Variants in CLEC4A observed in about 807,000 individuals in gnomAD.
CLEC4A encodes the protein C-type (calcium dependent, carbohydrate-recognition domain) lectin, superfamily member 6.
A neutral mutation model predicts 32.7 loss-of-function variants in CLEC4A; 27 were observed. The ratio of observed to expected loss-of-function variants is 0.83; its 90% confidence interval spans 0.61 to 1.14. CLEC4A has a LOEUF of 1.14. Ranked by LOEUF, CLEC4A falls within the 50% of genes most tolerant of loss-of-function variation. The pLI is 0.00. For missense variants in CLEC4A, 253 were observed against 274.6 expected (o/e 0.92, Z 0.55); for synonymous variants, 89 against 93.7 (o/e 0.95, Z 0.29).
At chr12:8,105,049 T>C in the CLEC4A span, among the ~76,000 whole-genome samples, 1 of 152,218 alleles carries the variant, frequency 6.6e-6, no homozygotes, top group African/African-American at 2.4e-5. Context: ...GTATGCGGCA[T>C]ACATGTGTCT....
At chr12:8,136,480 G>A (rs952674434) in intron 4 of CLEC4A, among the ~76,000 whole-genome samples, 1 of 150,084 alleles carries the variant, frequency 6.7e-6, no homozygotes, top group African/African-American at 2.5e-5. Flanking sequence ...CATGAGAATC[G>A]CTTAAGCCTG....
rs760557093 is a variant in CLEC4A, at chr12:8,129,340, G to GA, written c.284dup (p.Asn95LysfsTer20). On this transcript the variant is annotated frameshift_variant, in exon 3 of 6. Transcript: ENST00000229332. LOFTEE classifies it high-confidence loss of function. ...TGGTTCATACAACATTGGAGTGTGTGAAAAAAAATATGCCCGTGGAAGGTA... is the reference window on the plus strand; with the variant it reads ...TGGTTCATACAACATTGGAGTGTGTGAAAAAAAAATATGCCCGTGGAAGGTA... 62 of 1,603,432 alleles carry GA rather than the reference G, an allele frequency of 3.9e-5. No individual in the cohort carries two copies. The highest frequency in any genetic ancestry group is 9.0e-5 in the East Asian group (4 of 44,590).
At chr12:8,134,371 C>T in intron 3 of CLEC4A, 1 of 1,613,036 alleles carries the variant, frequency 6.2e-7, no homozygotes, top group Non-Finnish European at 8.5e-7. Context: ...TGTGTATATC[C>T]CAGGGTGATC....
In CLEC4A at chr12:8,136,831, TG is replaced by T; in HGVS notation, c.498del (p.Leu167SerfsTer40). 6.2e-7 allele frequency: 1 copy of T among 1,613,548 alleles called. No individual in the cohort carries two copies. Among genetic ancestry groups the T allele is most frequent in the Middle Eastern group, 1.7e-4 (1 of 6,060 alleles). On this transcript the variant is annotated frameshift_variant, in exon 5 of 6. Coordinates refer to ENST00000229332, the MANE Select transcript of CLEC4A (RefSeq NM_016184.4). LOFTEE classifies it high-confidence loss of function. Reference protein sequence around the residue: ...QNLQEESAYFVGLSDPEGQRH... With the variant: ...QNLQEESAYFXGLSDPEGQRH... ...CTGCAAGAAGAATCTGCTTATTTTG[TG>T]GGGCTCTCAGATCCAGAAGGTCAGC...
chr12:8,117,963 AAC>A, the CLEC4A span, among the ~76,000 whole-genome samples: 2 of 152,244 alleles, frequency 1.3e-5, no homozygotes, highest in East Asian at 3.9e-4. Context: ...CCAGGAACAA[AAC>A]ACAAATCACA....
intron 5 of CLEC4A, 23 bp from the exon 6 acceptor site, chr12:8,138,117 C>G (rs1449114137): frequency 7.5e-6 from 12 of 1,610,474 alleles, no homozygotes; most frequent in East Asian, 2.2e-5. Context: ...AAGAAATGCC[C>G]TCATCCTTTT....
chr12:8,134,079 G>A, intron 3 of CLEC4A: 1 of 1,589,138 alleles, frequency 6.3e-7, no homozygotes, highest in African/African-American at 1.3e-5. Context: ...TGGCTGATCT[G>A]CTGCAGTGTG....
intron 2 of CLEC4A, among the ~76,000 whole-genome samples, chr12:8,127,692 A>G (rs914611260): frequency 6.6e-6 from 1 of 152,206 alleles, no homozygotes; most frequent in African/African-American, 2.4e-5. Context: ...AGACTGATCT[A>G]TGGCTAGTGT....
At chr12:8,116,896 C>A in the CLEC4A span, among the ~76,000 whole-genome samples, 1 of 152,114 alleles carries the variant, frequency 6.6e-6, no homozygotes, top group African/African-American at 2.4e-5. Context: ...CCATATATTT[C>A]TTTATCAGTT....
Position 8,123,899 on chromosome 12 carries a change from T to C in CLEC4A, c.21T>C (p.Tyr7=), listed in dbSNP as rs774885996. Residue 7 remains tyrosine (Y), a synonymous_variant, in exon 1 of 6, where the codon TAT becomes TAC. Transcript: ENST00000229332. MTSEIT[Y]AEVRFKNEFK... is the part of the protein sequence containing the mutation. ...CCATTATGACTTCGGAAATCACTTA[T>C]GCTGAAGTGAGGTTCAAAAATGAAT... is the stretch of plus-strand genomic sequence containing the variant. The C allele has an allele frequency of 6.8e-6, 11 of 1,611,396 alleles. No individual in the cohort carries two copies. The highest frequency in any genetic ancestry group is 2.7e-5 in the African/African-American group (2 of 74,900).
the CLEC4A span, among the ~76,000 whole-genome samples, chr12:8,113,747 A>C: frequency 6.6e-6 from 1 of 152,172 alleles, no homozygotes; most frequent in Non-Finnish European, 1.5e-5. Flanking sequence ...AGAGACTAGA[A>C]GAGTTAAATG....
chr12:8,133,335 G>A (rs182790959), intron 3 of CLEC4A, among the ~76,000 whole-genome samples: 97 of 152,328 alleles, frequency 6.4e-4, no homozygotes, highest in African/African-American at 2.3e-3. Context: ...ACAGGCGTGA[G>A]CCACTGTGCC....
upstream of CLEC4A, among the ~76,000 whole-genome samples, chr12:8,118,834 G>A (rs73244059): frequency 0.021 from 3,124 of 152,268 alleles, 101 homozygotes; most frequent in African/African-American, 0.072. Context: ...AGGTGGTTAG[G>A]CCATGAGGGC....
At position 8,138,348 on chromosome 12, in the gene CLEC4A, T is replaced by TA. The variant is rs1591614441; in HGVS notation, c.*63dup. ...TATCTGTCATTGTAGGGATAGATAA[T>TA]AAGCTCTTCTTATTCATGTGTAAGG... On this transcript the variant is annotated 3_prime_UTR_variant, in exon 6 of 6. Transcript: ENST00000229332. 1.3e-6 allele frequency: 2 copies of TA among 1,581,314 alleles called. No homozygotes were observed. The highest frequency in any genetic ancestry group is 4.5e-5 in the East Asian group (2 of 44,590).
At chr12:8,128,616 G>C (rs7138330) in intron 2 of CLEC4A, among the ~76,000 whole-genome samples, 66,276 of 151,840 alleles carry the variant, frequency 0.44, 15,692 homozygotes, top group Admixed American at 0.53. Flanking sequence ...TCACCATCTT[G>C]GCCAGGCTAG....
intron 5 of CLEC4A, among the ~76,000 whole-genome samples, chr12:8,137,696 C>A (rs139179755): frequency 1.9e-3 from 288 of 152,058 alleles, no homozygotes; most frequent in African/African-American, 6.6e-3. Context: ...AATTACTTGT[C>A]CAATAACAAG....
At chr12:8,129,799 A>C (rs968588768) in intron 3 of CLEC4A, among the ~76,000 whole-genome samples, 2 of 152,214 alleles carry the variant, frequency 1.3e-5, no homozygotes, top group African/African-American at 4.8e-5. Context: ...AAAAAAACCC[A>C]AAAGACAAAA....
the CLEC4A span, among the ~76,000 whole-genome samples, chr12:8,114,086 G>A: frequency 2.0e-5 from 3 of 152,134 alleles, no homozygotes; most frequent in African/African-American, 7.2e-5. Flanking sequence ...ACTTGCCCGA[G>A]GCTGGTTTCT....
At chr12:8,111,921 A>G in the CLEC4A span, among the ~76,000 whole-genome samples, 176 of 109,768 alleles carry the variant, frequency 1.6e-3, 1 homozygote, top group East Asian at 7.1e-3. Context: ...GTGAGTGTGT[A>G]TATGTGTGTG....
Sources: allele counts gnomAD v4.1 joint callset (sites outside exome capture counted in the v4.1 genomes callset), GRCh38; gene constraint gnomAD v4.1.1; transcripts MANE v1.5; gene names NCBI Gene and HGNC (gene_info 2026-07-23, HGNC 2026-07-21).